The following RCC1L variants were observed in gnomAD, a reference collection of about 807,000 sequenced individuals.
RCC1L encodes the protein RCC1 like.
In RCC1L, 46 loss-of-function variants were observed where a neutral mutation model predicts 58.6. That is an observed-to-expected ratio of 0.79 (90% CI 0.62 to 1.00). The LOEUF (loss-of-function observed/expected upper bound fraction) is 1.00, where lower values mean the gene tolerates loss of function less well. Among genes scored for constraint, RCC1L ranks in the 50% least tolerant of loss-of-function variants. The pLI is 0.00. For synonymous variants in RCC1L, 281 were observed against 262.9 expected (o/e 1.07, Z -0.67); for missense variants, 636 against 623.6 (o/e 1.02, Z -0.21).
Position 75,032,997 on chromosome 7 carries a change from G to A in RCC1L, c.1318-4918C>T, listed in dbSNP as rs1019759841. On this transcript the variant is annotated intron_variant, in intron 10 of 10. Transcript: ENST00000614461. Reference sequence around the variant, plus strand: ...TGAGGCAGGAGAATGGCTTGAATCCGGGAGGTGGAGGTTGCAGTGAGCCGA... The same window carrying A: ...TGAGGCAGGAGAATGGCTTGAATCCAGGAGGTGGAGGTTGCAGTGAGCCGA... Among the ~76,000 whole-genome samples the A allele has an allele frequency of 2.4e-4, 37 of 151,270 alleles. No homozygotes were observed. In the East Asian group the frequency reaches 5.2e-3, roughly 21 times the overall value.
Position 75,042,295 on chromosome 7 carries a change from G to T in RCC1L, c.*737C>A, listed in dbSNP as rs1173657307. The T allele has an allele frequency of 4.5e-5, 44 of 985,352 alleles. No individual in the cohort carries two copies. Among genetic ancestry groups the T allele is most frequent in the Non-Finnish European group, 5.2e-5 (43 of 829,962 alleles). 61.0% of individuals were successfully genotyped at this position (985,352 alleles called of 1,614,324 possible). On this transcript the variant is annotated 3_prime_UTR_variant, in exon 11 of 11. Coordinates refer to ENST00000610322, the MANE Select transcript of RCC1L (RefSeq NM_030798.5). ...AATCAAACATTGTTCACAATTTCTG[G>T]ATCTTCCTCCTCCGCCTGGCACTGC...
At chr7:75,038,782 G>A (rs1417486871), downstream of RCC1L, among the ~76,000 whole-genome samples, 6 of 152,154 alleles carry the variant, frequency 3.9e-5, no homozygotes, top group Non-Finnish European at 8.8e-5. Flanking sequence ...GAACATGGCT[G>A]CGTGGCAAGG....
chr7:75,050,306 T>C (rs1292069197), intron 10 of RCC1L, among the ~76,000 whole-genome samples: 1 of 151,730 alleles, frequency 6.6e-6, no homozygotes, highest in African/African-American at 2.4e-5. Flanking sequence ...AAAATAAAAA[T>C]AAAAATAAAA....
intron 9 of RCC1L, among the ~76,000 whole-genome samples, chr7:75,053,241 G>A (rs1285746767): frequency 1.8e-5 from 2 of 110,414 alleles, no homozygotes; most frequent in Non-Finnish European, 4.2e-5. Context: ...GGGTCTGGGG[G>A]TGGTGGACAG....
chr7:75,054,333 C>G (rs1185702171), intron 9 of RCC1L, among the ~76,000 whole-genome samples: 1 of 152,174 alleles, frequency 6.6e-6, no homozygotes, highest in Non-Finnish European at 1.5e-5. Context: ...AGGAAGACAG[C>G]TAGGCTCTGT....
chr7:75,073,039 T>C (rs1806823956), intron 1 of RCC1L, among the ~76,000 whole-genome samples: 1 of 152,202 alleles, frequency 6.6e-6, no homozygotes, highest in South Asian at 2.1e-4. Flanking sequence ...TTTGCTTTCC[T>C]AACATCAGAA....
chr7:75,058,577 C>A lies in RCC1L; in HGVS notation c.969+11G>T. The A allele has an allele frequency of 1.3e-6, 2 of 1,589,526 alleles. No homozygotes were observed. The highest frequency in any genetic ancestry group is 1.7e-6 in the Non-Finnish European group (2 of 1,166,716). On this transcript the variant is annotated intron_variant, in intron 7 of 10. Coordinates refer to ENST00000610322, the MANE Select transcript of RCC1L (RefSeq NM_030798.5). ...AAACCTCCCAGCACCACGCTGTCGG[C>A]GACTGCATACCTGTGTGGAGTCAGT...
At chr7:75,070,515 G>A in intron 2 of RCC1L, 125 bp downstream of exon 2, 1 of 1,323,898 alleles carries the variant, frequency 7.6e-7, no homozygotes, top group Non-Finnish European at 1.0e-6. Flanking sequence ...AGGTTGCAGT[G>A]AGCCAGGATC....
intron 8 of RCC1L, 65 bp downstream of exon 8, chr7:75,057,464 C>T (rs1351709746): frequency 1.9e-6 from 3 of 1,543,176 alleles, no homozygotes; most frequent in East Asian, 2.2e-5. Context: ...ATCCAATGGA[C>T]ACTGACCACT....
At chr7:75,043,488 C>T (rs1201273520) in intron 10 of RCC1L, among the ~76,000 whole-genome samples, 1 of 152,240 alleles carries the variant, frequency 6.6e-6, no homozygotes, top group African/African-American at 2.4e-5. Flanking sequence ...CTGCTCCCCT[C>T]TGACCCTAAC....
downstream of RCC1L, among the ~76,000 whole-genome samples, chr7:75,037,503 CTTT>C (rs1191475757): frequency 9.4e-5 from 11 of 116,698 alleles, no homozygotes; most frequent in Non-Finnish European, 1.1e-4. Context: ...TGGTTTATAT[CTTT>C]TTTTTTTTTT....
downstream of RCC1L, among the ~76,000 whole-genome samples, chr7:75,039,991 GACAGCTGGGGAGAAGGCTTGGTCC>G (rs1805516659): frequency 6.6e-6 from 1 of 152,166 alleles, no homozygotes; most frequent in African/African-American, 2.4e-5. Context: ...AGGCACAGGT[GACAGCTGGGGAGAAGGCTTGGTCC>G]ACAGCAGAAG....
At chr7:75,067,300 TGG>T (rs1554445302) in intron 2 of RCC1L, among the ~76,000 whole-genome samples, 5 of 142,548 alleles carry the variant, frequency 3.5e-5, no homozygotes, top group African/African-American at 1.3e-4. Flanking sequence ...AGACTTCATC[TGG>T]AAAAAAAAAA....
chr7:75,041,313 T>G (rs1805559026), downstream of RCC1L, among the ~76,000 whole-genome samples: 1 of 152,104 alleles, frequency 6.6e-6, no homozygotes, highest in Admixed American at 6.6e-5. Flanking sequence ...ACAGAACCAC[T>G]TCATATGCTG....
intron 2 of RCC1L, among the ~76,000 whole-genome samples, chr7:75,069,856 G>C (rs587753330): frequency 6.3e-4 from 96 of 152,080 alleles, no homozygotes; most frequent in African/African-American, 2.2e-3. Context: ...GCCCTCCTCG[G>C]CTTCCCAAAG....
chr7:75,058,508 G>A, intron 7 of RCC1L, 80 bp downstream of exon 7: 1 of 1,526,836 alleles, frequency 6.5e-7, no homozygotes, highest in East Asian at 2.5e-5. Flanking sequence ...TGGGATTACA[G>A]GTGTGAGCCA....
Position 75,058,641 on chromosome 7 carries a change from CAA to C in RCC1L, c.914_915del (p.Phe305TrpfsTer15). ...TGCAGGTACTCCGAGTTTCCCCAAC[CAA>C]AAAGTCCTCCGTCGGCGGACACGGC... ...CLAVSADGGLFGWGNSEYLQL... is the reference protein window; with the variant it reads ...CLAVSADGGLXGWGNSEYLQL... On this transcript the variant is annotated frameshift_variant, in exon 7 of 11. Transcript: ENST00000610322. LOFTEE classifies it high-confidence loss of function. The C allele has an allele frequency of 6.8e-6, 11 of 1,613,426 alleles. No individual in the cohort carries two copies. The highest frequency in any genetic ancestry group is 9.3e-6 in the Non-Finnish European group (11 of 1,179,644).
intron 8 of RCC1L, 121 bp downstream of exon 8, chr7:75,057,408 C>G: frequency 1.0e-6 from 1 of 960,904 alleles, no homozygotes; most frequent in South Asian, 1.4e-5. Flanking sequence ...TGAGCCACCG[C>G]GCCCAGCCAT....
Position 75,058,782 on chromosome 7 carries a change from A to C in RCC1L, c.788-13T>G. 1 of 1,613,864 alleles carries C rather than the reference A, an allele frequency of 6.2e-7. No homozygotes were observed. Among genetic ancestry groups the C allele is most frequent in the Non-Finnish European group, 8.5e-7 (1 of 1,179,792 alleles). Reference sequence around the variant, plus strand: ...TAGTGACCCAGACCTAACACAGTGGAAAATACAGATTTTTAATTATTCGCT... The same window carrying C: ...TAGTGACCCAGACCTAACACAGTGGCAAATACAGATTTTTAATTATTCGCT... On this transcript the variant is annotated splice_polypyrimidine_tract_variant and intron_variant, in intron 6 of 10. Transcript: ENST00000610322.
Sources: allele counts gnomAD v4.1 joint callset (sites outside exome capture counted in the v4.1 genomes callset), GRCh38; gene constraint gnomAD v4.1.1; transcripts MANE v1.5; gene names NCBI Gene and HGNC (gene_info 2026-07-23, HGNC 2026-07-21).